The following ADAMTS18 variants were observed in gnomAD, a reference collection of about 807,000 sequenced individuals.
ADAMTS18 encodes ADAM metallopeptidase with thrombospondin type 1 motif 18.
A neutral mutation model predicts 165.9 loss-of-function variants in ADAMTS18; 157 were observed. The observed-to-expected ratio is 0.95, with a 90% confidence interval of 0.83 to 1.08. The LOEUF (loss-of-function observed/expected upper bound fraction) is 1.08. Ranked by LOEUF, ADAMTS18 falls within the 50% of genes least tolerant of loss-of-function variation. The probability of loss-of-function intolerance (pLI) is 0.00; values close to 1 mark genes in which losing one functional copy is unlikely to be tolerated. For missense variants in ADAMTS18, 2,040 were observed against 1,534.0 expected (o/e 1.33, Z -5.51); for synonymous variants, 782 against 578.2 (o/e 1.35, Z -5.06).
At position 77,326,037 on chromosome 16, in the gene ADAMTS18, G is replaced by T; in HGVS notation, c.1861C>A (p.Pro621Thr). 6.2e-7 allele frequency: 1 copy of T among 1,613,454 alleles called. No homozygotes were observed. The highest frequency in any genetic ancestry group is 8.5e-7 in the Non-Finnish European group (1 of 1,179,502). ...GGACAGAATAAGCCACCATACTGAG[G>T]CCTGAAAATGAAATTAATGAACTTT... ...FQERHCNNPK[P>T]QYGGLFCPGS... Residue 621 changes from proline to threonine, a missense_variant and splice_region_variant, in exon 13 of 23, where the codon CCT becomes ACT. Physicochemically the swap from Pro to Thr is conservative, Grantham distance 38 (BLOSUM62 -1). Coordinates refer to ENST00000282849, the MANE Select transcript of ADAMTS18 (RefSeq NM_199355.4).
At chr16:77,314,623 AAAT>A (rs1408930425) in intron 16 of ADAMTS18, among the ~76,000 whole-genome samples, 2 of 62,088 alleles carry the variant, frequency 3.2e-5, no homozygotes, top group Non-Finnish European at 8.1e-5. Flanking sequence ...AAAAAAAAAA[AAAT>A]GTGTGTGTAT....
At chr16:77,429,245 C>G (rs928739732) in intron 3 of ADAMTS18, among the ~76,000 whole-genome samples, 1 of 152,148 alleles carries the variant, frequency 6.6e-6, no homozygotes, top group Admixed American at 6.5e-5. Context: ...CCATGGAATA[C>G]TATGCAACCA....
At chr16:77,301,235 A>G (rs931864090) in intron 16 of ADAMTS18, among the ~76,000 whole-genome samples, 1 of 151,796 alleles carries the variant, frequency 6.6e-6, no homozygotes, top group Non-Finnish European at 1.5e-5. Context: ...ATCATAAAAC[A>G]TTCTTCTAAC....
rs747734 is a variant in ADAMTS18 at position 77,282,890 on chromosome 16, A to C, written c.*1066T>G. 0.93 allele frequency: 133,762 copies of C among 143,324 alleles called. 63,017 individuals carry two copies. Among genetic ancestry groups the C allele is most frequent in the Non-Finnish European group, 1 (66,591 of 66,876 alleles). The allele number at this position is 143,324 out of a possible 1,614,324, so 8.9% of individuals were successfully genotyped here. On this transcript the variant is annotated 3_prime_UTR_variant, in exon 23 of 23. Coordinates refer to ENST00000282849, the MANE Select transcript of ADAMTS18 (RefSeq NM_199355.4). The stretch of plus-strand genomic sequence containing the variant: ...ATGGATTTTTTTATTACCACTGTTT[A>C]CTCCTTTCTTTCTCTCTTTTTTTTT...
intron 3 of ADAMTS18, among the ~76,000 whole-genome samples, chr16:77,403,755 CA>C (rs1436303998): frequency 6.6e-6 from 1 of 152,180 alleles, no homozygotes; most frequent in Non-Finnish European, 1.5e-5. Context: ...TGGGAAAAAT[CA>C]GACACAGCCC....
chr16:77,297,521 T>C (rs1004042625), intron 17 of ADAMTS18, 106 bp from the exon 18 acceptor site: 1 of 1,217,370 alleles, frequency 8.2e-7, no homozygotes, highest in Non-Finnish European at 1.2e-6. Flanking sequence ...TTATTTCAGA[T>C]ATGGAATCCA....
intron 9 of ADAMTS18, among the ~76,000 whole-genome samples, chr16:77,355,184 T>C (rs1267296734): frequency 7.5e-6 from 1 of 134,112 alleles, no homozygotes; most frequent in Non-Finnish European, 1.7e-5. Flanking sequence ...TGGGTCAATA[T>C]AGATTATAAA....
intron 3 of ADAMTS18, among the ~76,000 whole-genome samples, chr16:77,418,907 T>C (rs1397175085): frequency 6.6e-6 from 1 of 152,194 alleles, no homozygotes. Flanking sequence ...TCCCGGCACT[T>C]TGGGAGGTCC....
intron 14 of ADAMTS18, 57 bp from the exon 15 acceptor site, chr16:77,321,259 G>C (rs1322136783): frequency 3.1e-6 from 5 of 1,605,660 alleles, no homozygotes; most frequent in South Asian, 1.1e-5. Context: ...CAGAGGCTGG[G>C]AATAATTAAG....
At chr16:77,337,908 C>CTTT (rs10679600) in intron 11 of ADAMTS18, among the ~76,000 whole-genome samples, 5 of 140,836 alleles carry the variant, frequency 3.6e-5, no homozygotes, top group East Asian at 4.1e-4. Flanking sequence ...CTTTTCTTTT[C>CTTT]TTTTTTTTTT....
intron 3 of ADAMTS18, among the ~76,000 whole-genome samples, chr16:77,392,047 T>C (rs767794504): frequency 4.6e-5 from 7 of 151,700 alleles, no homozygotes; most frequent in Non-Finnish European, 5.9e-5. Context: ...CGCCCAGTCA[T>C]TGTGCAGAAA....
intron 3 of ADAMTS18, among the ~76,000 whole-genome samples, chr16:77,372,107 AC>A (rs1348547526): frequency 1.5e-4 from 23 of 152,350 alleles, no homozygotes; most frequent in African/African-American, 5.3e-4. Context: ...GACTATTATC[AC>A]AATGACAATA....
intron 10 of ADAMTS18, among the ~76,000 whole-genome samples, chr16:77,345,589 AAC>A (rs2144696315): frequency 6.6e-6 from 1 of 152,296 alleles, no homozygotes; most frequent in African/African-American, 2.4e-5. Context: ...GTTTATTCTC[AAC>A]ACAGTGACTA....
intron 3 of ADAMTS18, among the ~76,000 whole-genome samples, chr16:77,413,549 G>T (rs2057492120): frequency 1.3e-5 from 2 of 152,136 alleles, no homozygotes; most frequent in South Asian, 4.1e-4. Flanking sequence ...AATGCCCACT[G>T]CTCTGAATTA....
intron 21 of ADAMTS18, chr16:77,290,576 T>C (rs2055342894): frequency 6.4e-6 from 1 of 155,304 alleles, no homozygotes; most frequent in Non-Finnish European, 1.4e-5. Flanking sequence ...TTGATACCTC[T>C]ACCCGGACTC....
chr16:77,425,396 G>C (rs969459041), intron 3 of ADAMTS18, among the ~76,000 whole-genome samples: 5 of 152,144 alleles, frequency 3.3e-5, no homozygotes, highest in African/African-American at 1.2e-4. Context: ...CAGTGCTAAG[G>C]CTGGATGGTA....
At chr16:77,288,301 G>A (rs1367565313) in intron 22 of ADAMTS18, among the ~76,000 whole-genome samples, 7 of 152,066 alleles carry the variant, frequency 4.6e-5, no homozygotes, top group Non-Finnish European at 1.0e-4. Context: ...AGAAATCACT[G>A]ATAGTCTGGA....
intron 11 of ADAMTS18, among the ~76,000 whole-genome samples, chr16:77,338,676 G>A (rs947645200): frequency 4.0e-5 from 6 of 151,856 alleles, no homozygotes; most frequent in African/African-American, 7.3e-5. Flanking sequence ...TGGCTTGGCC[G>A]GGCGCGGTGG....
At chr16:77,335,950 G>A (rs769987894) in intron 11 of ADAMTS18, 46 bp from the exon 12 acceptor site, 3 of 1,613,230 alleles carry the variant, frequency 1.9e-6, no homozygotes, top group South Asian at 1.1e-5. Context: ...GACCACCTGG[G>A]AAAGCGCAGG....
Sources: gnomAD v4.1 joint callset for allele counts (sites outside exome capture counted in the v4.1 genomes callset) on GRCh38, gnomAD v4.1.1 for gene constraint, MANE v1.5 for transcripts, NCBI Gene and HGNC (gene_info 2026-07-23, HGNC 2026-07-21) for gene names.